The following TOP2A variants were observed in gnomAD, a reference collection of about 807,000 sequenced individuals.
TOP2A encodes DNA topoisomerase 2-alpha.
Under a neutral mutation model 187.2 loss-of-function variants are expected in TOP2A, and 68 were observed. That is an observed-to-expected ratio of 0.36 (90% CI 0.30 to 0.44). The LOEUF (loss-of-function observed/expected upper bound fraction) is 0.44. Ranked by LOEUF, TOP2A falls within the 20% of genes least tolerant of loss-of-function variation. TOP2A has a pLI of 1.00. For synonymous variants in TOP2A, 542 were observed against 593.2 expected (o/e 0.91, Z 1.25); for missense variants, 1,196 against 1,808.7 (o/e 0.66, Z 6.14).
Position 40,411,081 on chromosome 17 carries a change from C to G in TOP2A, c.1203+28G>C. The G allele has an allele frequency of 6.4e-7, 1 of 1,566,314 alleles. No individual in the cohort carries two copies. On this transcript the variant is annotated intron_variant, in intron 10 of 34. Coordinates refer to ENST00000423485, the MANE Select transcript of TOP2A (RefSeq NM_001067.4). This position sits in a 1 kb window ranked among gnomAD's most constrained non-coding sequence, Gnocchi z 4.4. The stretch of plus-strand genomic sequence containing the variant: ...CAATGGAAAATAAAGTCAGGTGTTT[C>G]TATTTTTATTTTCCTCTAAGTACTC...
chr17:40,401,097 A>C lies in TOP2A; in HGVS notation c.2433-16T>G, dbSNP rs1466135667. On this transcript the variant is annotated splice_polypyrimidine_tract_variant and intron_variant, in intron 20 of 34. Transcript: ENST00000423485. ...AGCCAAAGAGCTAAAGAAAAGAAACAAAGAATGTTATTTTACAAAAATACT... is the reference window on the plus strand; with the variant it reads ...AGCCAAAGAGCTAAAGAAAAGAAACCAAGAATGTTATTTTACAAAAATACT... The C allele has an allele frequency of 6.3e-7, 1 of 1,598,430 alleles. No homozygotes were observed. Among genetic ancestry groups the C allele is most frequent in the Non-Finnish European group, 8.6e-7 (1 of 1,168,618 alleles).
Position 40,389,362 on chromosome 17 carries a change from G to A in TOP2A, c.*157C>T. 2.7e-6 allele frequency: 2 copies of A among 739,716 alleles called. No homozygotes were observed. Among genetic ancestry groups the A allele is most frequent in the African/African-American group, 1.8e-5 (1 of 56,158 alleles). The allele number at this position is 739,716 out of a possible 1,614,324, so 45.8% of individuals were successfully genotyped here. A position where few individuals can be genotyped will look rare whatever the true frequency, so the allele number is the denominator to read the frequency against. ...CACTATTTAGACAGTATTATAAAAA[G>A]CTAAAGAACACTTGGGCTTTACTTC... On this transcript the variant is annotated 3_prime_UTR_variant, in exon 35 of 35. Transcript: ENST00000423485.
intron 10 of TOP2A, chr17:40,410,625 G>C (rs1481966043): frequency 2.2e-6 from 1 of 456,420 alleles, no homozygotes; most frequent in Non-Finnish European, 4.4e-6. Context: ...CAGCATCCAA[G>C]AGATGATTCT....
rs774091266 is a variant in TOP2A, at chr17:40,411,827, G to A, written c.790-9C>T. ...CTACGAAATCCTTTTACCTGTACAG[G>A]AATTAAAGGTAACAGTATTAAGAAA... On this transcript the variant is annotated splice_polypyrimidine_tract_variant and intron_variant, in intron 7 of 34. Coordinates refer to ENST00000423485, the MANE Select transcript of TOP2A (RefSeq NM_001067.4). The surrounding 1 kb of genome is among the most constrained non-coding windows in gnomAD (Gnocchi z 4.4). 4 of 1,567,352 alleles carry A rather than the reference G, an allele frequency of 2.6e-6. No homozygotes were observed. The highest frequency in any genetic ancestry group is 3.4e-6 in the Non-Finnish European group (4 of 1,162,558).
chr17:40,408,203 GC>G, intron 11 of TOP2A, 79 bp from the exon 12 acceptor site: 1 of 1,162,878 alleles, frequency 8.6e-7, no homozygotes, highest in South Asian at 1.7e-5. Flanking sequence ...GCTGTTTATA[GC>G]CTTGTGATAA....
chr17:40,417,025 T>C (rs2035398449), intron 1 of TOP2A, 130 bp from the exon 2 acceptor site: 6 of 793,990 alleles, frequency 7.6e-6, no homozygotes, highest in Non-Finnish European at 9.7e-6. Context: ...AGTGGTGGAG[T>C]TGCCAGTTTT....
Position 40,411,604 on chromosome 17 carries a change from G to T in TOP2A, c.963+41C>A, listed in dbSNP as rs939071588. On this transcript the variant is annotated intron_variant, in intron 8 of 34. Transcript: ENST00000423485. The surrounding 1 kb of genome is among the most constrained non-coding windows in gnomAD (Gnocchi z 4.4). Reference sequence around the variant, plus strand: ...TTAAAAACAATAAGAACACATATATGTAAAGATAAATCATGATTAATAATT... The same window carrying T: ...TTAAAAACAATAAGAACACATATATTTAAAGATAAATCATGATTAATAATT... 1 of 1,583,274 alleles carries T rather than the reference G, an allele frequency of 6.3e-7. No homozygotes were observed. Among genetic ancestry groups the T allele is most frequent in the South Asian group, 1.1e-5 (1 of 88,874 alleles).
rs568679391 is a variant in TOP2A at position 40,402,534 on chromosome 17, T to C, written c.2432+372A>G. Among the ~76,000 whole-genome samples the C allele has an allele frequency of 1.3e-3, 194 of 152,304 alleles. 1 individual carries two copies. The highest frequency in any genetic ancestry group is 4.4e-3 in the African/African-American group (182 of 41,554). On this transcript the variant is annotated intron_variant, in intron 20 of 34. Transcript: ENST00000423485. ...GCCAAATAAAGAGTTTCAAGAAGGA[T>C]GGAGCAATTAGTAACTGTTTGAATG...
rs749843531 is a variant in TOP2A at position 40,392,119 on chromosome 17, TA to T, written c.4089-9del. 20,052 of 1,072,828 alleles carry T rather than the reference TA, an allele frequency of 0.019. No individual in the cohort carries two copies. The highest frequency in any genetic ancestry group is 0.044 in the Admixed American group (1,815 of 40,932). 66.5% of individuals were successfully genotyped at this position (1,072,828 alleles called of 1,614,324 possible). On this transcript the variant is annotated splice_polypyrimidine_tract_variant and intron_variant, in intron 31 of 34. Coordinates refer to ENST00000423485, the MANE Select transcript of TOP2A (RefSeq NM_001067.4). ...AGTTCTTTGTTACTAAGTCTAGAATTAAAAAAAAAAATCCTGACAACCAATT... is the reference window on the plus strand; with the variant it reads ...AGTTCTTTGTTACTAAGTCTAGAATTAAAAAAAAAATCCTGACAACCAATT...
At position 40,416,028 on chromosome 17, in the gene TOP2A, A is replaced by G. The variant is rs1297813554; in HGVS notation, c.309T>C (p.Ser103=). The part of the protein sequence containing the change: ...ADNKQRDPKM[S]CIRVTIDPEN... ...ACGGATCAATTGTGACTCTAATACA[A>G]GACATTTTTGGGTCCCTTTGTTTGT... is the stretch of plus-strand genomic sequence containing the variant. Residue 103 remains serine (S), a synonymous_variant, in exon 4 of 35, where the codon TCT becomes TCC. Transcript: ENST00000423485. 3.8e-6 allele frequency: 6 copies of G among 1,591,768 alleles called. No homozygotes were observed. In the Admixed American group the frequency reaches 8.8e-5, roughly 23 times the overall value.
intron 1 of TOP2A, chr17:40,417,555 C>G: frequency 7.0e-7 from 1 of 1,431,888 alleles, no homozygotes; most frequent in Non-Finnish European, 9.1e-7. Context: ...AGGGCAACAA[C>G]GCACGACACC....
chr17:40,415,106 G>A (rs1203026554), intron 4 of TOP2A, among the ~76,000 whole-genome samples: 1 of 149,618 alleles, frequency 6.7e-6, no homozygotes, highest in Non-Finnish European at 1.5e-5. Flanking sequence ...CCAGGCTGGA[G>A]TGCAGTGGTG....
In TOP2A at chr17:40,398,890, A is replaced by C; in HGVS notation, c.3336T>G (p.Thr1112=). Residue 1112 remains threonine, a synonymous_variant, in exon 26 of 35, where the codon ACT becomes ACG. Coordinates refer to ENST00000423485, the MANE Select transcript of TOP2A (RefSeq NM_001067.4). ...AATCTGTTACGGAGTCACTCTTTTCAGTTTCCTTTTCGTTGTCACTCTCTT... is the reference window on the plus strand; with the variant it reads ...AATCTGTTACGGAGTCACTCTTTTCCGTTTCCTTTTCGTTGTCACTCTCTT... ...ENEESDNEKE[T]EKSDSVTDSG... 1 of 1,613,216 alleles carries C rather than the reference A, an allele frequency of 6.2e-7. No individual in the cohort carries two copies. Among genetic ancestry groups the C allele is most frequent in the Non-Finnish European group, 8.5e-7 (1 of 1,179,656 alleles).
intron 14 of TOP2A, 62 bp from the exon 15 acceptor site, chr17:40,406,751 T>C (rs1273306606): frequency 2.6e-6 from 4 of 1,566,658 alleles, no homozygotes; most frequent in Admixed American, 1.7e-5. Flanking sequence ...TACCACTACA[T>C]GTGACGGGGC....
chr17:40,407,352 G>T (rs911952985), intron 13 of TOP2A, among the ~76,000 whole-genome samples, 197 bp downstream of exon 13: 4 of 152,094 alleles, frequency 2.6e-5, no homozygotes, highest in African/African-American at 7.2e-5. Flanking sequence ...ATCAAAAAAG[G>T]TCTGTTCAAA....
At chr17:40,417,669 G>A (rs921199950) in intron 1 of TOP2A, 102 bp downstream of exon 1, 2 of 1,578,472 alleles carry the variant, frequency 1.3e-6, no homozygotes, top group Non-Finnish European at 1.7e-6. Flanking sequence ...CAAGCCGGTC[G>A]CCGGCCTGAC....
intron 23 of TOP2A, 24 bp downstream of exon 23, chr17:40,400,185 A>G (rs753370179): frequency 1.9e-6 from 3 of 1,609,436 alleles, no homozygotes; most frequent in East Asian, 2.2e-5. Flanking sequence ...TGAAACGTGT[A>G]CATCTCACAA....
Position 40,406,397 on chromosome 17 carries a change from G to C in TOP2A, c.1940C>G (p.Ala647Gly), listed in dbSNP as rs753458370. 6.2e-7 allele frequency: 1 copy of C among 1,611,770 alleles called. No individual in the cohort carries two copies. Among genetic ancestry groups the C allele is most frequent in the Non-Finnish European group, 8.5e-7 (1 of 1,178,476 alleles). Reference protein sequence around the residue: ...QFKYSGPEDDAAISLAFSKKQ... With the variant: ...QFKYSGPEDDGAISLAFSKKQ... Reference sequence around the variant, plus strand: ...ACTCAAACCTACCAGGCTGATAGCAGCATCATCTTCAGGACCAGAATATTT... The same window carrying C: ...ACTCAAACCTACCAGGCTGATAGCACCATCATCTTCAGGACCAGAATATTT... The change falls in exon 16 of 35, where the codon GCT becomes GGT. Residue 647 changes from alanine to glycine, a missense_variant. Ala to Gly is a moderately conservative substitution (Grantham distance 60). Coordinates refer to ENST00000423485, the MANE Select transcript of TOP2A (RefSeq NM_001067.4).
rs764823648 is a variant in TOP2A, at chr17:40,396,272, A to G, written c.3720+11T>C. 4 of 1,466,138 alleles carry G rather than the reference A, an allele frequency of 2.7e-6. No individual in the cohort carries two copies. The highest frequency in any genetic ancestry group is 3.8e-6 in the Non-Finnish European group (4 of 1,063,146). 90.8% of individuals were successfully genotyped at this position (1,466,138 alleles called of 1,614,324 possible). A position where few individuals can be genotyped will look rare whatever the true frequency, so the allele number is the denominator to read the frequency against. On this transcript the variant is annotated intron_variant, in intron 28 of 34. Transcript: ENST00000423485. ...TGGGATTATAGGTGTGAGCCACCAC[A>G]AGAGTATTACCTTAATTTTCTTTTT... is the stretch of plus-strand genomic sequence containing the variant.
Sources: allele counts gnomAD v4.1 joint callset (sites outside exome capture counted in the v4.1 genomes callset), GRCh38; gene constraint gnomAD v4.1.1; non-coding constraint Gnocchi (gnomAD v3.1); transcripts MANE v1.5; gene names NCBI Gene and HGNC (gene_info 2026-07-23, HGNC 2026-07-21).